Variants in SHROOM3 observed in about 807,000 individuals in gnomAD.
SHROOM3 encodes the protein protein Shroom3.
In SHROOM3, 47 loss-of-function variants were observed where a neutral mutation model predicts 138.6. That is an observed-to-expected ratio of 0.34 (90% CI 0.27 to 0.43). SHROOM3 has a LOEUF of 0.43. Ranked by LOEUF, SHROOM3 falls within the 20% of genes least tolerant of loss-of-function variation. The pLI, the probability that SHROOM3 is intolerant of heterozygous loss-of-function variation, is 1.00. For missense variants in SHROOM3, 2,491 were observed against 2,596.5 expected, an observed-to-expected ratio of 0.96 and a Z score of 0.88; for synonymous variants, 1,062 against 1,063.3, an observed-to-expected ratio of 1.00 and a Z score of 0.02.
intron 2 of SHROOM3, among the ~76,000 whole-genome samples, chr4:76,707,110 G>T (rs1720078399): frequency 2.0e-5 from 3 of 152,134 alleles, no homozygotes; most frequent in African/African-American, 7.2e-5. Flanking sequence ...GTGAGACATT[G>T]TACCTTTTAG....
chr4:76,732,509 T>G (rs1036495949), intron 4 of SHROOM3, among the ~76,000 whole-genome samples: 4 of 152,224 alleles, frequency 2.6e-5, no homozygotes, highest in Non-Finnish European at 5.9e-5. Context: ...CCTGGTTCCT[T>G]CCTGGTTACA....
chr4:76,768,734 A>T (rs1722246219), intron 9 of SHROOM3, among the ~76,000 whole-genome samples: 1 of 152,160 alleles, frequency 6.6e-6, no homozygotes, highest in African/African-American at 2.4e-5. Flanking sequence ...GGTTTGTCTC[A>T]AACTCCTGAC....
At chr4:76,490,352 T>C (rs1731823696) in intron 1 of SHROOM3, among the ~76,000 whole-genome samples, 1 of 152,180 alleles carries the variant, frequency 6.6e-6, no homozygotes, top group Admixed American at 6.5e-5. Context: ...GGACAGCCAG[T>C]TTCCCATCTG....
intron 2 of SHROOM3, among the ~76,000 whole-genome samples, chr4:76,620,363 T>C (rs1734978566): frequency 6.6e-6 from 1 of 152,124 alleles, no homozygotes. Context: ...ATACGGGAAT[T>C]ATCTACATAG....
chr4:76,634,659 G>C (rs1335054791), intron 2 of SHROOM3, among the ~76,000 whole-genome samples: 2 of 152,212 alleles, frequency 1.3e-5, no homozygotes, highest in Non-Finnish European at 1.5e-5. Context: ...TGCAAAAAGA[G>C]AAAGCATCTT....
At chr4:76,595,888 T>C (rs1471017148) in intron 2 of SHROOM3, among the ~76,000 whole-genome samples, 2 of 152,240 alleles carry the variant, frequency 1.3e-5, no homozygotes, top group East Asian at 3.8e-4. Context: ...CTTTGTAATT[T>C]TATCTTTTTG....
rs141581082 is a variant in SHROOM3, at chr4:76,656,847, C to G, written c.324-53309C>G. On this transcript the variant is annotated intron_variant, in intron 2 of 10. Coordinates refer to ENST00000296043, the MANE Select transcript of SHROOM3 (RefSeq NM_020859.4). ...CCTTCAAGAGTTGTGAAAAATCAAA[C>G]AAGTTCCTGGCAGAAAGTAGGTGCT... 4.1e-3 allele frequency among the ~76,000 whole-genome samples: 617 copies of G among 152,220 alleles called. 1 individual carries two copies. The highest frequency in any genetic ancestry group is 0.014 in the Middle Eastern group (4 of 294).
At position 76,754,847 on chromosome 4, in the gene SHROOM3, A is replaced by G; in HGVS notation, c.4364A>G (p.Lys1455Arg). 1.9e-6 allele frequency: 3 copies of G among 1,614,136 alleles called. No homozygotes were observed. Among genetic ancestry groups the G allele is most frequent in the Non-Finnish European group, 2.5e-6 (3 of 1,180,012 alleles). The change falls in exon 7 of 11, where the codon AAG becomes AGG. Residue 1455 changes from lysine (K) to arginine (R), a missense_variant. Physicochemically the swap from Lys to Arg is conservative, Grantham distance 26 (BLOSUM62 2). This residue lies in a region of SHROOM3 where 1,733 missense variants were observed against 1,661.6 expected (regional missense o/e 1.04). Coordinates refer to ENST00000296043, the MANE Select transcript of SHROOM3 (RefSeq NM_020859.4). Reference sequence around the variant, plus strand: ...TCAGCCCCTGATTTTGCAAACCTGAAGCACTATCAAAAACAGCAGAGTCTT... The same window carrying G: ...TCAGCCCCTGATTTTGCAAACCTGAGGCACTATCAAAAACAGCAGAGTCTT... The part of the protein sequence containing the change: ...ESSAPDFANL[K>R]HYQKQQSLPS...
chr4:76,676,246 A>G (rs1719022689), intron 2 of SHROOM3, among the ~76,000 whole-genome samples: 2 of 152,170 alleles, frequency 1.3e-5, no homozygotes, highest in Non-Finnish European at 2.9e-5. Flanking sequence ...TTACAAAAAC[A>G]AAGGGGGACA....
chr4:76,740,198 C>G lies in SHROOM3; in HGVS notation c.2025C>G (p.His675Gln). Reference protein sequence around the residue: ...LQNIPESLRRHSSLELGRGTQ... With the variant: ...LQNIPESLRRQSSLELGRGTQ... ...ACATTCCTGAGAGTCTGAGAAGACA[C>G]AGCAGCCTGGAGCTAGGCCGGGGAA... Residue 675 changes from histidine (H) to glutamine (Q), a missense_variant, in exon 5 of 11, where the codon CAC becomes CAG. His to Gln is a conservative substitution (Grantham distance 24). Around this residue, in one of 4 missense-constraint regions of SHROOM3, gnomAD observed 1,733 missense variants for 1,661.6 expected, o/e 1.04. Coordinates refer to ENST00000296043, the MANE Select transcript of SHROOM3 (RefSeq NM_020859.4). The surrounding 1 kb of genome is among the most constrained non-coding windows in gnomAD (Gnocchi z 4.0). 1 of 1,613,762 alleles carries G rather than the reference C, an allele frequency of 6.2e-7. No homozygotes were observed. The highest frequency in any genetic ancestry group is 8.5e-7 in the Non-Finnish European group (1 of 1,180,040).
At chr4:76,631,444 C>T (rs1272751633) in intron 2 of SHROOM3, among the ~76,000 whole-genome samples, 1 of 151,986 alleles carries the variant, frequency 6.6e-6, no homozygotes, top group Non-Finnish European at 1.5e-5. Context: ...AACTCCCAAC[C>T]TCAGGTGATC....
chr4:76,615,733 T>G (rs1734861246), intron 2 of SHROOM3, among the ~76,000 whole-genome samples: 1 of 152,176 alleles, frequency 6.6e-6, no homozygotes, highest in African/African-American at 2.4e-5. Flanking sequence ...CTGTCCCAGT[T>G]GGATGGCTTA....
At chr4:76,443,474 C>A (rs1358646941) in intron 1 of SHROOM3, among the ~76,000 whole-genome samples, 1 of 152,204 alleles carries the variant, frequency 6.6e-6, no homozygotes, top group Non-Finnish European at 1.5e-5. Flanking sequence ...CTTAACTAAT[C>A]CATAGACAGA....
chr4:76,540,820 A>G lies in SHROOM3; in HGVS notation c.169-14789A>G, dbSNP rs1168385752. 5.3e-5 allele frequency among the ~76,000 whole-genome samples: 8 copies of G among 152,350 alleles called. No homozygotes were observed. In the East Asian group the frequency reaches 1.5e-3, roughly 29 times the overall value. On this transcript the variant is annotated intron_variant, in intron 1 of 10. Transcript: ENST00000296043. ...AAAAGAGAAGAGAAAACTAAAGCCT[A>G]ACTATTTTAGTATGTTAATAACTTT...
At chr4:76,438,214 A>C (rs547157800) in intron 1 of SHROOM3, among the ~76,000 whole-genome samples, 1 of 152,232 alleles carries the variant, frequency 6.6e-6, no homozygotes, top group Non-Finnish European at 1.5e-5. Context: ...AGATGGCTCT[A>C]TGATGTCAGG....
intron 2 of SHROOM3, among the ~76,000 whole-genome samples, chr4:76,580,616 G>A (rs1479814210): frequency 1.3e-5 from 2 of 152,100 alleles, no homozygotes; most frequent in Admixed American, 6.5e-5. Flanking sequence ...AGTAGAGACG[G>A]GGTTTCTCCA....
At chr4:76,579,440 C>T (rs1166928372) in intron 2 of SHROOM3, among the ~76,000 whole-genome samples, 2 of 152,220 alleles carry the variant, frequency 1.3e-5, no homozygotes, top group African/African-American at 4.8e-5. Flanking sequence ...TGCACTCCAG[C>T]CTGGGCAACA....
intron 1 of SHROOM3, among the ~76,000 whole-genome samples, chr4:76,445,278 G>T (rs989376733): frequency 3.9e-5 from 6 of 152,116 alleles, no homozygotes; most frequent in African/African-American, 9.7e-5. Flanking sequence ...CTGAAACACT[G>T]AACAGATTAT....
intron 2 of SHROOM3, among the ~76,000 whole-genome samples, chr4:76,569,585 C>T (rs1179849736): frequency 6.6e-6 from 1 of 152,142 alleles, no homozygotes; most frequent in Non-Finnish European, 1.5e-5. Context: ...TTCTTTCTTA[C>T]TGGTGGTAGG....
Sources: gnomAD v4.1 joint callset for allele counts (sites outside exome capture counted in the v4.1 genomes callset) on GRCh38, gnomAD v4.1.1 for gene constraint, gnomAD v4.1.1 regional missense constraint, Gnocchi (gnomAD v3.1) non-coding constraint, MANE v1.5 for transcripts, NCBI Gene and HGNC (gene_info 2026-07-23, HGNC 2026-07-21) for gene names.